The following KALRN variants were observed in gnomAD, a reference collection of about 807,000 sequenced individuals.
KALRN encodes kalirin RhoGEF kinase.
KALRN carries 70 observed loss-of-function variants against 353.7 expected under a neutral mutation model. That is an observed-to-expected ratio of 0.20 (90% confidence interval 0.16 to 0.24). The LOEUF is 0.24. Among genes scored for constraint, KALRN ranks in the 10% least tolerant of loss-of-function variants. KALRN has a pLI of 1.00. For missense variants in KALRN, 2,791 were observed against 3,756.7 expected, an observed-to-expected ratio of 0.74 and a Z score of 6.72; for synonymous variants, 1,391 against 1,434.8, an observed-to-expected ratio of 0.97 and a Z score of 0.69.
At chr3:124,704,036 C>T (rs2062477941) in intron 57 of KALRN, among the ~76,000 whole-genome samples, 1 of 152,168 alleles carries the variant, frequency 6.6e-6, no homozygotes, top group African/African-American at 2.4e-5. Flanking sequence ...CTTAAAGCCC[C>T]ACAACTAGGA....
intron 30 of KALRN, among the ~76,000 whole-genome samples, 180 bp from the exon 31 acceptor site, chr3:124,491,143 G>A (rs1414571248): frequency 2.0e-5 from 3 of 152,022 alleles, no homozygotes; most frequent in South Asian, 2.1e-4. Context: ...AATCAGGCAC[G>A]TGCCTGTAGG....
chr3:124,200,663 GAA>G (rs2075868204), intron 1 of KALRN, among the ~76,000 whole-genome samples: 1 of 152,210 alleles, frequency 6.6e-6, no homozygotes, highest in African/African-American at 2.4e-5. Flanking sequence ...ATGCATGAGA[GAA>G]TGCATGCAAA....
chr3:124,104,061 T>A (rs2062090470), intron 1 of KALRN, among the ~76,000 whole-genome samples: 1 of 152,246 alleles, frequency 6.6e-6, no homozygotes, highest in Non-Finnish European at 1.5e-5. Context: ...CTAGCTCTAA[T>A]GTTTCATGGT....
At chr3:124,673,771 T>C (rs1405233666) in intron 48 of KALRN, among the ~76,000 whole-genome samples, 1 of 152,080 alleles carries the variant, frequency 6.6e-6, no homozygotes, top group Non-Finnish European at 1.5e-5. Flanking sequence ...CAGCATCTCT[T>C]ATATTAATGA....
rs1439564455 is a variant in KALRN at position 124,694,450 on chromosome 3, C to A, written c.7524C>A (p.Asp2508Glu). The A allele has an allele frequency of 5.0e-6, 8 of 1,614,076 alleles. No homozygotes were observed. Among genetic ancestry groups the A allele is most frequent in the Non-Finnish European group, 6.8e-6 (8 of 1,180,030 alleles). ...CCACCATCACTTGGAAGGGTCCAGA[C>A]CAGAACATCCTTGACACTGATAACA... Reference protein sequence around the residue: ...PKPTITWKGPDQNILDTDNSS... With the variant: ...PKPTITWKGPEQNILDTDNSS... Residue 2508 changes from aspartate (D) to glutamate (E), a missense_variant, in exon 53 of 60, where the codon GAC becomes GAA. By Grantham distance (45) the Asp-to-Glu change is conservative. This residue lies in a region of KALRN where 1,065 missense variants were observed against 1,156.4 expected (regional missense o/e 0.92). Coordinates refer to ENST00000682506, the MANE Select transcript of KALRN (RefSeq NM_001388419.1).
At chr3:124,249,353 C>T (rs1028701230) in intron 3 of KALRN, among the ~76,000 whole-genome samples, 27 of 152,044 alleles carry the variant, frequency 1.8e-4, no homozygotes, top group African/African-American at 6.3e-4. Context: ...GTTAAATGGA[C>T]GTAATCAGAC....
intron 15 of KALRN, among the ~76,000 whole-genome samples, chr3:124,423,702 C>A (rs189785131): frequency 6.6e-6 from 1 of 152,014 alleles, no homozygotes; most frequent in African/African-American, 2.4e-5. Context: ...ATGGTGAGAC[C>A]GCACAAAAAA....
intron 34 of KALRN, among the ~76,000 whole-genome samples, chr3:124,610,569 G>A (rs1201890945): frequency 2.0e-5 from 3 of 152,140 alleles, no homozygotes; most frequent in Non-Finnish European, 2.9e-5. Context: ...GGTTGGGGGT[G>A]TGGGCTCTGG....
At chr3:124,652,055 G>A (rs1212757269) in intron 38 of KALRN, among the ~76,000 whole-genome samples, 1 of 152,194 alleles carries the variant, frequency 6.6e-6, no homozygotes, top group Non-Finnish European at 1.5e-5. Flanking sequence ...GGGAAGGCAG[G>A]TGTGAAGGGT....
chr3:124,679,582 G>C, intron 51 of KALRN, 65 bp downstream of exon 51: 5 of 1,343,062 alleles, frequency 3.7e-6, no homozygotes, highest in Admixed American at 1.7e-5. Flanking sequence ...TTCTGTAACA[G>C]TGACCTTGCT....
intron 1 of KALRN, among the ~76,000 whole-genome samples, chr3:124,130,277 T>C (rs2065129776): frequency 1.3e-5 from 2 of 152,196 alleles, no homozygotes. Flanking sequence ...TCCTTAGATA[T>C]TTAGTATATC....
intron 10 of KALRN, among the ~76,000 whole-genome samples, chr3:124,363,624 GAT>G (rs2084310047): frequency 1.3e-5 from 2 of 152,310 alleles, no homozygotes; most frequent in South Asian, 4.1e-4. Flanking sequence ...AAAGAAGAAA[GAT>G]ATAGAAGAGA....
intron 6 of KALRN, among the ~76,000 whole-genome samples, chr3:124,325,306 A>G (rs2079776042): frequency 6.6e-6 from 1 of 152,144 alleles, no homozygotes; most frequent in South Asian, 2.1e-4. Flanking sequence ...TTCCTAAATC[A>G]AGCAGAGATA....
chr3:124,226,554 AG>A (rs1186683380), intron 1 of KALRN, among the ~76,000 whole-genome samples: 1 of 152,190 alleles, frequency 6.6e-6, no homozygotes, highest in Non-Finnish European at 1.5e-5. Context: ...AAATGGTCAG[AG>A]ACACTTAGGA....
intron 6 of KALRN, among the ~76,000 whole-genome samples, chr3:124,299,239 G>A (rs190684044): frequency 6.6e-6 from 1 of 152,188 alleles, no homozygotes; most frequent in Admixed American, 6.5e-5. Context: ...TCCCCAGCAT[G>A]TGTGAGTCAC....
intron 34 of KALRN, among the ~76,000 whole-genome samples, chr3:124,630,138 A>G (rs1295084932): frequency 6.6e-6 from 1 of 152,220 alleles, no homozygotes; most frequent in African/African-American, 2.4e-5. Context: ...GTAGATGCTA[A>G]TGCTGATCTC....
At chr3:124,341,998 A>G (rs2081779451) in intron 9 of KALRN, among the ~76,000 whole-genome samples, 2 of 148,834 alleles carry the variant, frequency 1.3e-5, no homozygotes, top group African/African-American at 5.0e-5. Context: ...TTGGGGGGTG[A>G]GGCAGGAACT....
At chr3:124,385,695 G>A (rs540287438) in intron 11 of KALRN, among the ~76,000 whole-genome samples, 80 of 152,202 alleles carry the variant, frequency 5.3e-4, no homozygotes, top group African/African-American at 1.9e-3. Context: ...GAAAGGAGAA[G>A]GAAGGATAGA....
At chr3:124,055,010 T>C (rs2041395455) in intron 1 of KALRN, among the ~76,000 whole-genome samples, 1 of 152,084 alleles carries the variant, frequency 6.6e-6, no homozygotes, top group South Asian at 2.1e-4. Flanking sequence ...CCTTGAACTT[T>C]AAGAAGAAAG....
Sources: gnomAD v4.1 joint callset for allele counts (sites outside exome capture counted in the v4.1 genomes callset) on GRCh38, gnomAD v4.1.1 for gene constraint, gnomAD v4.1.1 regional missense constraint, MANE v1.5 for transcripts, NCBI Gene and HGNC (gene_info 2026-07-23, HGNC 2026-07-21) for gene names.